The following CNTLN variants were observed in gnomAD, a reference collection of about 807,000 sequenced individuals.
CNTLN encodes the protein centlein.
CNTLN carries 212 observed loss-of-function variants against 180.0 expected under a neutral mutation model. The observed-to-expected ratio is 1.18, with a 90% CI of 1.05 to 1.32. The LOEUF (loss-of-function observed/expected upper bound fraction) is 1.32, where lower values mean the gene tolerates loss of function less well. Among genes scored for constraint, CNTLN ranks in the 40% most tolerant of loss-of-function variants. The probability of loss-of-function intolerance (pLI) is 0.00; values close to 1 mark genes in which losing one functional copy is unlikely to be tolerated. For synonymous variants in CNTLN, 722 were observed against 563.1 expected, an observed-to-expected ratio of 1.28 and a Z score of -3.99; for missense variants, 2,095 against 1,610.9, an observed-to-expected ratio of 1.30 and a Z score of -5.14.
intron 14 of CNTLN, among the ~76,000 whole-genome samples, chr9:17,390,839 A>G (rs1279103427): frequency 6.6e-6 from 1 of 152,080 alleles, no homozygotes; most frequent in Non-Finnish European, 1.5e-5. Flanking sequence ...AATTTAAATA[A>G]TTTTGACCAG....
rs527903225 is a variant in CNTLN, at chr9:17,209,385, C to T, written c.450-16818C>T. Among the ~76,000 whole-genome samples, 13 of 152,144 alleles carry T rather than the reference C, an allele frequency of 8.5e-5. No individual in the cohort carries two copies. The South Asian group carries it at 1.9e-3, about 22-fold the overall frequency. ...ATGTGCTGAGGAGAAGAAAAGAATG[C>T]GTATTCTGGACCAGTTGGATGAAAT... is the stretch of plus-strand genomic sequence containing the variant. On this transcript the variant is annotated intron_variant, in intron 2 of 25. Coordinates refer to ENST00000380647, the MANE Select transcript of CNTLN (RefSeq NM_017738.4).
At chr9:17,292,710 T>C (rs965256637) in intron 6 of CNTLN, among the ~76,000 whole-genome samples, 1 of 152,188 alleles carries the variant, frequency 6.6e-6, no homozygotes, top group African/African-American at 2.4e-5. Context: ...TAATGTTTTA[T>C]CATGGTTCTT....
intron 2 of CNTLN, among the ~76,000 whole-genome samples, chr9:17,220,212 CT>C (rs1824041194): frequency 6.6e-6 from 1 of 151,978 alleles, no homozygotes; most frequent in South Asian, 2.1e-4. Context: ...TGTGTACATA[CT>C]TGTGTCATAG....
chr9:17,221,608 G>C (rs1208412631), intron 2 of CNTLN, among the ~76,000 whole-genome samples: 1 of 151,984 alleles, frequency 6.6e-6, no homozygotes. Context: ...CATCCAAAGG[G>C]CTAAACTTGG....
At chr9:17,517,400 CA>C in the CNTLN span, among the ~76,000 whole-genome samples, 13,304 of 115,830 alleles carry the variant, frequency 0.11, 1,690 homozygotes, top group African/African-American at 0.34. Context: ...TCAAACAAAA[CA>C]AAAAAAAAAA....
chr9:17,400,298 C>T (rs879735247), intron 15 of CNTLN, among the ~76,000 whole-genome samples: 13 of 152,054 alleles, frequency 8.5e-5, no homozygotes, highest in Admixed American at 5.9e-4. Context: ...CCACAATGCC[C>T]GGCTAATTTT....
rs754640641 is a variant in CNTLN at position 17,309,114 on chromosome 9, C to G, written c.1203C>G (p.Leu401=). 3.1e-6 allele frequency: 5 copies of G among 1,607,090 alleles called. No individual in the cohort carries two copies. Among genetic ancestry groups the G allele is most frequent in the East Asian group, 4.5e-5 (2 of 44,744 alleles). The change falls in exon 8 of 26, where the codon CTC becomes CTG. Residue 401 remains leucine, a synonymous_variant. Coordinates refer to ENST00000380647, the MANE Select transcript of CNTLN (RefSeq NM_017738.4). The stretch of plus-strand genomic sequence containing the variant: ...CCACAAAATCAAATGAAGCTATGCT[C>G]CGGCAAAGTGTTACTAATCTTCAGG... ...FETTKSNEAM[L]RQSVTNLQDQ...
At chr9:17,463,208 A>G (rs756777920) in intron 20 of CNTLN, among the ~76,000 whole-genome samples, 195 bp downstream of exon 20, 4 of 151,668 alleles carry the variant, frequency 2.6e-5, no homozygotes, top group Non-Finnish European at 4.4e-5. Context: ...TTTAAATTAG[A>G]TAATGATGAA....
intron 6 of CNTLN, among the ~76,000 whole-genome samples, chr9:17,284,327 G>C (rs201100854): frequency 2.6e-5 from 4 of 152,222 alleles, no homozygotes; most frequent in South Asian, 2.1e-4. Context: ...GAATAGTTTC[G>C]GAAGGAATGG....
At chr9:17,519,205 A>G in the CNTLN span, among the ~76,000 whole-genome samples, 6 of 150,016 alleles carry the variant, frequency 4.0e-5, no homozygotes, top group Non-Finnish European at 8.9e-5. Flanking sequence ...TGGGATTACC[A>G]GCGTGAACCA....
intron 25 of CNTLN, among the ~76,000 whole-genome samples, chr9:17,490,466 A>T (rs184300190): frequency 5.8e-4 from 89 of 152,280 alleles, no homozygotes; most frequent in African/African-American, 2.0e-3. Context: ...AGTTTTAGTT[A>T]AACAAAAGAA....
At chr9:17,215,935 C>G (rs1197380523) in intron 2 of CNTLN, among the ~76,000 whole-genome samples, 2 of 152,098 alleles carry the variant, frequency 1.3e-5, no homozygotes, top group Non-Finnish European at 2.9e-5. Flanking sequence ...ACCTGATTTT[C>G]CAGGTGCTGG....
At chr9:17,442,627 G>C (rs1442017188) in intron 18 of CNTLN, among the ~76,000 whole-genome samples, 1 of 152,138 alleles carries the variant, frequency 6.6e-6, no homozygotes, top group Non-Finnish European at 1.5e-5. Flanking sequence ...TCAAACTCCT[G>C]ACCTCAAGTG....
intron 12 of CNTLN, among the ~76,000 whole-genome samples, chr9:17,344,796 TATATC>T (rs933531762): frequency 1.3e-5 from 2 of 152,174 alleles, no homozygotes; most frequent in Non-Finnish European, 2.9e-5. Flanking sequence ...TTTTATGAGT[TATATC>T]ATATATATAA....
At chr9:17,379,962 C>G (rs964604184) in intron 13 of CNTLN, among the ~76,000 whole-genome samples, 4 of 152,148 alleles carry the variant, frequency 2.6e-5, no homozygotes, top group South Asian at 2.1e-4. Flanking sequence ...TAGAATCCCA[C>G]AATACCTCTG....
intron 8 of CNTLN, among the ~76,000 whole-genome samples, chr9:17,314,219 T>C (rs1380913456): frequency 6.6e-6 from 1 of 152,206 alleles, no homozygotes; most frequent in African/African-American, 2.4e-5. Context: ...TTAAAATCCG[T>C]ATTTTCCTTC....
At chr9:17,310,051 A>G (rs1045799578) in intron 8 of CNTLN, among the ~76,000 whole-genome samples, 2 of 152,134 alleles carry the variant, frequency 1.3e-5, no homozygotes. Flanking sequence ...TATTGGATCA[A>G]TGATAAAATT....
chr9:17,266,616 C>T (rs144909251), intron 5 of CNTLN, among the ~76,000 whole-genome samples: 123 of 152,200 alleles, frequency 8.1e-4, no homozygotes, highest in African/African-American at 2.7e-3. Context: ...TCTCGTTGAT[C>T]TGTTTAGTGT....
chr9:17,142,324 C>T (rs1407617996), intron 1 of CNTLN, among the ~76,000 whole-genome samples: 1 of 152,116 alleles, frequency 6.6e-6, no homozygotes, highest in Non-Finnish European at 1.5e-5. Flanking sequence ...AATAATTCTT[C>T]TTCCACTGTG....
Sources: allele counts gnomAD v4.1 joint callset (sites outside exome capture counted in the v4.1 genomes callset), GRCh38; gene constraint gnomAD v4.1.1; transcripts MANE v1.5; gene names NCBI Gene and HGNC (gene_info 2026-07-23, HGNC 2026-07-21).